ADH1B: variants seen among roughly 807,000 people sequenced by gnomAD.
ADH1B encodes the protein alcohol dehydrogenase 1B (class I), beta polypeptide, also known as all-trans-retinol dehydrogenase [NAD(+)] ADH1B.
A neutral mutation model predicts 34.6 loss-of-function variants in ADH1B; 29 were observed. That is an observed-to-expected ratio of 0.84 (90% CI 0.62 to 1.14). ADH1B has a LOEUF of 1.14. ADH1B is among the 50% of genes most tolerant of loss of function. The probability of loss-of-function intolerance (pLI) is 0.00; values close to 1 mark genes in which losing one functional copy is unlikely to be tolerated. For missense variants in ADH1B, 424 were observed against 468.4 expected (o/e 0.91, Z 0.87); for synonymous variants, 170 against 175.5 (o/e 0.97, Z 0.25).
Position 99,318,976 on chromosome 4 carries a change from C to T in ADH1B, c.19-90G>A, listed in dbSNP as rs114261077. ...TTTCATCTTTGTACATGTAATATTGCGTCCCATGTCTGGTACCTAACAAGT... is the reference window on the plus strand; with the variant it reads ...TTTCATCTTTGTACATGTAATATTGTGTCCCATGTCTGGTACCTAACAAGT... On this transcript the variant is annotated intron_variant, in intron 1 of 8. Coordinates refer to ENST00000305046, the MANE Select transcript of ADH1B (RefSeq NM_000668.6). The T allele has an allele frequency of 5.3e-4, 712 of 1,353,198 alleles. 6 individuals are homozygous for T. The highest frequency in any genetic ancestry group is 1.7e-4 in the African/African-American group (12 of 69,508). The allele number at this position is 1,353,198 out of a possible 1,614,324, so 83.8% of individuals were successfully genotyped here.
rs2110630578 is a variant in ADH1B at position 99,310,691 on chromosome 4, C to T, written c.1103+74G>A. 18 of 1,536,944 alleles carry T rather than the reference C, an allele frequency of 1.2e-5. No homozygotes were observed. In the South Asian group the frequency reaches 1.9e-4, roughly 17 times the overall value. On this transcript the variant is annotated intron_variant, in intron 8 of 8. Coordinates refer to ENST00000305046, the MANE Select transcript of ADH1B (RefSeq NM_000668.6). The stretch of plus-strand genomic sequence containing the variant: ...GACTCTATATTTTCTCATCTTTCCA[C>T]CTTTTTCATTCTCTGCTAGACAATC...
Position 99,313,875 on chromosome 4 carries a change from C to T in ADH1B, c.774G>A (p.Met258Ile), listed in dbSNP as rs201571406. Reference sequence around the variant, plus strand: ...ACGAAAAATCCACACCTCCATCAGTCATTTCCTTTAGCACTTCCTGAATGG... The same window carrying T: ...ACGAAAAATCCACACCTCCATCAGTTATTTCCTTTAGCACTTCCTGAATGG... Reference protein sequence around the residue: ...KKPIQEVLKEMTDGGVDFSFE... With the variant: ...KKPIQEVLKEITDGGVDFSFE... The change falls in exon 6 of 9, where the codon ATG becomes ATA. Residue 258 changes from methionine (M) to isoleucine (I), a missense_variant. Around this residue, in one of 3 missense-constraint regions of ADH1B, gnomAD observed 130 missense variants for 151.8 expected, o/e 0.86. Coordinates refer to ENST00000305046, the MANE Select transcript of ADH1B (RefSeq NM_000668.6). 142 of 1,613,952 alleles carry T rather than the reference C, an allele frequency of 8.8e-5. No individual in the cohort carries two copies. The highest frequency in any genetic ancestry group is 7.4e-5 in the Non-Finnish European group (87 of 1,179,928).
At chr4:99,318,017 C>A (rs777659954) in intron 3 of ADH1B, 29 bp downstream of exon 3, 1 of 1,612,380 alleles carries the variant, frequency 6.2e-7, no homozygotes, top group Non-Finnish European at 8.5e-7. Flanking sequence ...TGGTGAACCA[C>A]ACGTGTTCCC....
At chr4:99,313,782 T>G (rs1423046636) in intron 6 of ADH1B, 39 bp downstream of exon 6, 1 of 1,613,998 alleles carries the variant, frequency 6.2e-7, no homozygotes, top group South Asian at 1.1e-5. Flanking sequence ...TCTTCCAGGT[T>G]GCAGAGGCAG....
At chr4:99,320,791 A>G (rs1387109687) in intron 1 of ADH1B, 2 of 1,161,144 alleles carry the variant, frequency 1.7e-6, no homozygotes, top group Non-Finnish European at 2.1e-6. Flanking sequence ...GTCTTGCTTA[A>G]CCTTGATGAT....
intron 1 of ADH1B, chr4:99,320,869 C>T: frequency 7.9e-7 from 1 of 1,263,450 alleles, no homozygotes; most frequent in Non-Finnish European, 1.0e-6. Flanking sequence ...ATATTTCAGT[C>T]TTCTGAGTCA....
At chr4:99,316,446 T>G in intron 3 of ADH1B, 144 bp from the exon 4 acceptor site, 1 of 865,256 alleles carries the variant, frequency 1.2e-6, no homozygotes, top group South Asian at 1.8e-5. Flanking sequence ...ATGTCATCTT[T>G]CAATGCCTGC....
At chr4:99,313,645 G>A in intron 6 of ADH1B, 176 bp downstream of exon 6, 2 of 1,221,230 alleles carry the variant, frequency 1.6e-6, no homozygotes, top group African/African-American at 1.5e-5. Flanking sequence ...TTGGGTAATT[G>A]ATGGAAGAGA....
At chr4:99,313,430 A>C (rs1450485185) in intron 6 of ADH1B, 1 of 196,008 alleles carries the variant, frequency 5.1e-6, no homozygotes, top group Non-Finnish European at 1.0e-5. Flanking sequence ...TTTATTAAGA[A>C]CATAGGCAAA....
chr4:99,308,348 C>G (rs1047455211), intron 8 of ADH1B, among the ~76,000 whole-genome samples: 1 of 149,348 alleles, frequency 6.7e-6, no homozygotes, highest in Admixed American at 6.8e-5. Context: ...TTGTAACTTG[C>G]TCTGGTAGCA....
chr4:99,315,432 G>A (rs548775679), intron 5 of ADH1B: 2 of 200,940 alleles, frequency 1.0e-5, no homozygotes, highest in African/African-American at 4.7e-5. Context: ...GGTGAGCCTT[G>A]GTTTGGAGGT....
Position 99,318,182 on chromosome 4 carries a change from C to T in ADH1B, c.123G>A (p.Met41Ile). The part of the protein sequence containing the change: ...PPKAYEVRIK[M>I]VAVGICHTDD... ...CTGTGTGACAGATTCCTACAGCCAC[C>T]ATCTACAGAATAAAGAGAAGCTGTT... is the stretch of plus-strand genomic sequence containing the variant. Residue 41 changes from methionine to isoleucine, a missense_variant and splice_region_variant, in exon 3 of 9, where the codon ATG (methionine) becomes ATA (isoleucine). Around this residue, in one of 3 missense-constraint regions of ADH1B, gnomAD observed 291 missense variants for 300.4 expected, o/e 0.97. Transcript: ENST00000305046. 6.2e-7 allele frequency: 1 copy of T among 1,614,022 alleles called. No homozygotes were observed. The highest frequency in any genetic ancestry group is 8.5e-7 in the Non-Finnish European group (1 of 1,179,952).
chr4:99,308,301 C>A (rs929906225), intron 8 of ADH1B, among the ~76,000 whole-genome samples: 4 of 150,614 alleles, frequency 2.7e-5, no homozygotes, highest in Admixed American at 6.7e-5. Flanking sequence ...ATATTATGTC[C>A]ATTTTAGAGA....
chr4:99,314,871 G>A (rs1473702197), intron 5 of ADH1B: 1 of 152,154 alleles, frequency 6.6e-6, no homozygotes, highest in Non-Finnish European at 1.5e-5. Context: ...CTTTGTGGTT[G>A]GCTAGGGGCT....
At chr4:99,311,485 T>C in intron 7 of ADH1B, 36 bp downstream of exon 7, 1 of 1,606,584 alleles carries the variant, frequency 6.2e-7, no homozygotes, top group Non-Finnish European at 8.5e-7. Flanking sequence ...TATATTGAGA[T>C]TAATGAGAAT....
intron 2 of ADH1B, chr4:99,318,452 G>A (rs916215568): frequency 1.9e-6 from 1 of 519,420 alleles, no homozygotes; most frequent in East Asian, 3.6e-5. Context: ...AAGAATGCAC[G>A]CTTTAAAAAA....
Position 99,311,645 on chromosome 4 carries a change from C to G in ADH1B, c.840G>C (p.Leu280=), listed in dbSNP as rs759169105. The G allele has an allele frequency of 6.2e-7, 1 of 1,613,740 alleles. No individual in the cohort carries two copies. Among genetic ancestry groups the G allele is most frequent in the Non-Finnish European group, 8.5e-7 (1 of 1,179,832 alleles). The part of the protein sequence containing the change: ...IGRLDTMMAS[L]LCCHEACGTS... Reference sequence around the variant, plus strand: ...TGCCACATGCCTCATGACAACATAACAGGGAAGCCATCTGGAATAAAGTGA... The same window carrying G: ...TGCCACATGCCTCATGACAACATAAGAGGGAAGCCATCTGGAATAAAGTGA... The change falls in exon 7 of 9, where the codon CTG becomes CTC. Residue 280 remains leucine (L), a synonymous_variant. Coordinates refer to ENST00000305046, the MANE Select transcript of ADH1B (RefSeq NM_000668.6).
chr4:99,309,361 CA>C (rs572197554), intron 8 of ADH1B, among the ~76,000 whole-genome samples: 70 of 152,240 alleles, frequency 4.6e-4, no homozygotes, highest in Admixed American at 1.0e-3. Context: ...GTGCCCAACT[CA>C]CCTTATTCTT....
intron 6 of ADH1B, among the ~76,000 whole-genome samples, chr4:99,312,355 T>A (rs761228293): frequency 1.3e-5 from 2 of 152,096 alleles, no homozygotes; most frequent in African/African-American, 4.8e-5. Context: ...AAAAGGAGCA[T>A]AAAGAGAAAA....
Sources: gnomAD v4.1 joint callset for allele counts (sites outside exome capture counted in the v4.1 genomes callset) on GRCh38, gnomAD v4.1.1 for gene constraint, gnomAD v4.1.1 regional missense constraint, MANE v1.5 for transcripts, NCBI Gene and HGNC (gene_info 2026-07-23, HGNC 2026-07-21) for gene names.